The following CUL4A variants were observed in gnomAD, a reference collection of about 807,000 sequenced individuals.
CUL4A encodes cullin-4A.
CUL4A carries 16 observed loss-of-function variants against 95.5 expected under a neutral mutation model. The ratio of observed to expected loss-of-function variants is 0.17; its 90% CI spans 0.11 to 0.25. The LOEUF (loss-of-function observed/expected upper bound fraction) is 0.25. Among genes scored for constraint, CUL4A ranks in the 10% least tolerant of loss-of-function variants. The pLI is 1.00. For synonymous variants in CUL4A, 380 were observed against 353.1 expected, an observed-to-expected ratio of 1.08 and a Z score of -0.85; for missense variants, 610 against 937.0, an observed-to-expected ratio of 0.65 and a Z score of 4.56.
At chr13:113,245,301 C>T in intron 14 of CUL4A, 64 bp downstream of exon 14, 1 of 1,406,702 alleles carries the variant, frequency 7.1e-7, no homozygotes, top group Admixed American at 1.7e-5. Context: ...GTGGCTCATG[C>T]CTGTAATCCC....
chr13:113,219,259 T>C lies in CUL4A; in HGVS notation c.368+211T>C, dbSNP rs546130331. On this transcript the variant is annotated intron_variant, in intron 3 of 19. Transcript: ENST00000375440. ...GGAAACCGTGTTCATTTATTGGGTA[T>C]GGTTGAAGTATTTAGGAAATGTTCT... 4 of 455,420 alleles carry C rather than the reference T, an allele frequency of 8.8e-6. No homozygotes were observed. The South Asian group carries it at 1.1e-4, about 13-fold the overall frequency. The allele number at this position is 455,420 out of a possible 1,614,324, so 28.2% of individuals were successfully genotyped here.
At chr13:113,252,825 G>A (rs1340333307) in intron 15 of CUL4A, among the ~76,000 whole-genome samples, 2 of 152,200 alleles carry the variant, frequency 1.3e-5, no homozygotes, top group Admixed American at 6.5e-5. Flanking sequence ...GCAAGCCCTG[G>A]TATGTACAGA....
At chr13:113,245,298 A>G in intron 14 of CUL4A, 61 bp downstream of exon 14, 4 of 1,430,764 alleles carry the variant, frequency 2.8e-6, no homozygotes, top group Non-Finnish European at 3.9e-6. Context: ...GTGGTGGCTC[A>G]TGCCTGTAAT....
rs1228125438 is a variant in CUL4A at position 113,260,547 on chromosome 13, C to G, written c.2032-60C>G. 8 of 1,480,696 alleles carry G rather than the reference C, an allele frequency of 5.4e-6. No individual in the cohort carries two copies. In the East Asian group the frequency reaches 1.2e-4, roughly 23 times the overall value. The allele number at this position is 1,480,696 out of a possible 1,614,324, so 91.7% of individuals were successfully genotyped here. A position where few individuals can be genotyped will look rare whatever the true frequency, so the allele number is the denominator to read the frequency against. On this transcript the variant is annotated intron_variant, in intron 18 of 19. Transcript: ENST00000375440. Reference sequence around the variant, plus strand: ...CCCAGGCAACTGAGTGAGACTCCATCGCAAAAAATAAAAAGAAAATACAGT... The same window carrying G: ...CCCAGGCAACTGAGTGAGACTCCATGGCAAAAAATAAAAAGAAAATACAGT...
intron 15 of CUL4A, among the ~76,000 whole-genome samples, chr13:113,251,497 C>T (rs2041993245): frequency 6.6e-6 from 1 of 151,972 alleles, no homozygotes; most frequent in South Asian, 2.1e-4. Context: ...TGTGTTCCTG[C>T]CCAAATCTCA....
upstream of CUL4A, chr13:113,208,801 G>A (rs1288460196): frequency 6.4e-6 from 9 of 1,415,174 alleles, no homozygotes; most frequent in Non-Finnish European, 8.3e-6. Flanking sequence ...ACGCGCTCGG[G>A]CTGAGGGGGC....
intron 19 of CUL4A, 94 bp downstream of exon 19, chr13:113,260,853 G>A (rs2042256784): frequency 5.1e-6 from 5 of 977,390 alleles, no homozygotes; most frequent in Non-Finnish European, 4.5e-6. Flanking sequence ...CATTTGACCT[G>A]CATTATTCAT....
intron 2 of CUL4A, among the ~76,000 whole-genome samples, chr13:113,211,320 T>C (rs576266067): frequency 3.9e-5 from 6 of 152,260 alleles, no homozygotes; most frequent in Non-Finnish European, 5.9e-5. Context: ...GTAGAATGGG[T>C]ATACCACAGT....
chr13:113,242,876 A>T, intron 10 of CUL4A, 92 bp from the exon 11 acceptor site: 3 of 969,720 alleles, frequency 3.1e-6, no homozygotes, highest in Non-Finnish European at 4.6e-6. Flanking sequence ...AGAGTAATTT[A>T]TGTTAAACTA....
intron 9 of CUL4A, 60 bp downstream of exon 9, chr13:113,236,950 A>G (rs1229648658): frequency 1.7e-6 from 2 of 1,159,542 alleles, no homozygotes; most frequent in Admixed American, 1.9e-5. Flanking sequence ...TCATTAGGAA[A>G]GTAAAGGGGG....
chr13:113,211,701 A>G (rs556278789), intron 2 of CUL4A, among the ~76,000 whole-genome samples: 5 of 152,184 alleles, frequency 3.3e-5, no homozygotes, highest in African/African-American at 1.2e-4. Flanking sequence ...TGTTTTAAAT[A>G]AAGCTGCTGT....
chr13:113,216,129 G>A (rs1251535395), intron 2 of CUL4A, among the ~76,000 whole-genome samples: 1 of 151,374 alleles, frequency 6.6e-6, no homozygotes, highest in African/African-American at 2.4e-5. Flanking sequence ...GACTATGGAG[G>A]TCTCATCTGT....
chr13:113,253,403 A>G (rs1207694050), intron 16 of CUL4A, among the ~76,000 whole-genome samples: 1 of 152,148 alleles, frequency 6.6e-6, no homozygotes, highest in African/African-American at 2.4e-5. Context: ...CCATTTACCT[A>G]TTGAAAAAAA....
rs1373125297 is a variant in CUL4A, at chr13:113,266,324, T to C, written c.*2742T>C. The C allele has an allele frequency of 6.6e-6, 1 of 152,140 alleles. No individual in the cohort carries two copies. Among genetic ancestry groups the C allele is most frequent in the Admixed American group, 6.5e-5 (1 of 15,274 alleles). The allele number at this position is 152,140 out of a possible 1,614,324, so 9.4% of individuals were successfully genotyped here. ...ATGAGACACTGCACCTGACCAGAAG[T>C]CATTTTTTCAATAGCAACCCCCAAA... On this transcript the variant is annotated 3_prime_UTR_variant, in exon 20 of 20. Transcript: ENST00000375440.
chr13:113,227,540 T>C (rs2139155931), intron 3 of CUL4A, among the ~76,000 whole-genome samples: 1 of 152,374 alleles, frequency 6.6e-6, no homozygotes, highest in East Asian at 1.9e-4. Flanking sequence ...AAGACTAATA[T>C]TCTTTCAGTA....
intron 3 of CUL4A, among the ~76,000 whole-genome samples, chr13:113,224,904 C>A (rs865975331): frequency 6.6e-6 from 1 of 152,140 alleles, no homozygotes; most frequent in African/African-American, 2.4e-5. Context: ...TGTCCCCTCG[C>A]GGTCTGTCCG....
At chr13:113,230,931 C>T (rs543621971) in intron 5 of CUL4A, among the ~76,000 whole-genome samples, 14 of 151,956 alleles carry the variant, frequency 9.2e-5, no homozygotes, top group African/African-American at 2.2e-4. Context: ...CCACCACATT[C>T]GACTAACTTC....
chr13:113,260,203 C>CAAAAATAAAAAAAAAAAAAAA (rs2042235057), intron 18 of CUL4A, among the ~76,000 whole-genome samples: 1 of 12,530 alleles, frequency 8.0e-5, no homozygotes, highest in African/African-American at 2.3e-4. Flanking sequence ...GACTCCGTCT[C>CAAAAATAAAAAAAAAAAAAAA]AAAAAAAAAA....
chr13:113,255,529 A>G lies in CUL4A; in HGVS notation c.2031+404A>G, dbSNP rs77073390. On this transcript the variant is annotated intron_variant, in intron 18 of 19. Coordinates refer to ENST00000375440, the MANE Select transcript of CUL4A (RefSeq NM_001008895.4). ...TTATAGGATCATACAGGACAGTTTC[A>G]TTGCCCTAAAAATTCTCTTATGTTC... is the stretch of plus-strand genomic sequence containing the variant. Among the ~76,000 whole-genome samples, 73 of 152,220 alleles carry G rather than the reference A, an allele frequency of 4.8e-4. 1 individual carries two copies. In the East Asian group the frequency reaches 0.013, roughly 27 times the overall value.
Sources: gnomAD v4.1 joint callset for allele counts (sites outside exome capture counted in the v4.1 genomes callset) on GRCh38, gnomAD v4.1.1 for gene constraint, MANE v1.5 for transcripts, NCBI Gene and HGNC (gene_info 2026-07-23, HGNC 2026-07-21) for gene names.